The following KLHL22 variants were observed in gnomAD, a reference collection of about 807,000 sequenced individuals.
The protein encoded by KLHL22 is kelch like family member 22.
In KLHL22, 18 loss-of-function variants were observed where a neutral mutation model predicts 60.7. The ratio of observed to expected loss-of-function variants is 0.30; its 90% CI spans 0.20 to 0.44. The LOEUF is 0.44. Ranked by LOEUF, KLHL22 falls within the 20% of genes least tolerant of loss-of-function variation. The pLI, the probability that KLHL22 is intolerant of heterozygous loss-of-function variation, is 1.00. For missense variants in KLHL22, 596 were observed against 852.3 expected (o/e 0.70, Z 3.74); for synonymous variants, 355 against 354.5 (o/e 1.00, Z -0.01).
intron 2 of KLHL22, among the ~76,000 whole-genome samples, chr22:20,475,017 T>C (rs1055498318): frequency 6.6e-6 from 1 of 152,180 alleles, no homozygotes; most frequent in Non-Finnish European, 1.5e-5. Flanking sequence ...AAAATCTCCT[T>C]ATATGTTAAA....
intron 5 of KLHL22, among the ~76,000 whole-genome samples, chr22:20,449,656 T>A (rs1325176159): frequency 6.6e-6 from 1 of 152,210 alleles, no homozygotes; most frequent in Non-Finnish European, 1.5e-5. Flanking sequence ...TCCGCTCACT[T>A]CAGCCTTTCA....
chr22:20,458,063 C>CACCT, intron 4 of KLHL22, 63 bp from the exon 5 acceptor site: 1 of 1,564,710 alleles, frequency 6.4e-7, no homozygotes, highest in African/African-American at 1.3e-5. Flanking sequence ...CGCAGGCTTG[C>CACCT]ACCTCTTGTT....
At chr22:20,449,311 T>G (rs2052935657) in intron 5 of KLHL22, among the ~76,000 whole-genome samples, 1 of 151,658 alleles carries the variant, frequency 6.6e-6, no homozygotes, top group Non-Finnish European at 1.5e-5. Context: ...CCACCCACCT[T>G]GGCCTCCCAA....
intron 2 of KLHL22, chr22:20,483,471 G>A: frequency 2.7e-6 from 2 of 749,688 alleles, no homozygotes; most frequent in Non-Finnish European, 4.9e-6. Flanking sequence ...TCTTCTTCAT[G>A]AAGAGCAGCT....
In KLHL22 at chr22:20,465,941, G is replaced by A. The variant is rs912618195; in HGVS notation, c.394-365C>T. On this transcript the variant is annotated intron_variant, in intron 3 of 6. Coordinates refer to ENST00000328879, the MANE Select transcript of KLHL22 (RefSeq NM_032775.4). The surrounding 1 kb of genome is among the most constrained non-coding windows in gnomAD (Gnocchi z 4.9). ...AATGATTCTCCTGCCTCAGCCTCCC[G>A]TACAGAATGTTTTTAACCTCTCTAA... Among the ~76,000 whole-genome samples, 4 of 151,798 alleles carry A rather than the reference G, an allele frequency of 2.6e-5. No individual in the cohort carries two copies. The highest frequency in any genetic ancestry group is 3.9e-4 in the East Asian group (2 of 5,156).
intron 2 of KLHL22, among the ~76,000 whole-genome samples, chr22:20,487,420 C>T (rs568623831): frequency 6.6e-6 from 1 of 151,646 alleles, no homozygotes; most frequent in South Asian, 2.1e-4. Context: ...CAGGGTTTCA[C>T]CATGTTGGCC....
intron 2 of KLHL22, among the ~76,000 whole-genome samples, chr22:20,476,061 A>G (rs1470673809): frequency 2.0e-5 from 3 of 152,246 alleles, no homozygotes; most frequent in Non-Finnish European, 4.4e-5. Context: ...TGTAGAGATA[A>G]ATAGCATTTT....
intron 1 of KLHL22, chr22:20,489,663 G>A (rs2053650311): frequency 2.1e-6 from 1 of 469,650 alleles, no homozygotes; most frequent in Non-Finnish European, 4.4e-6. Flanking sequence ...CAATGAACAT[G>A]AAGCATAAGC....
chr22:20,449,959 G>A (rs12168610), intron 5 of KLHL22, among the ~76,000 whole-genome samples: 2,109 of 152,286 alleles, frequency 0.014, 55 homozygotes, highest in African/African-American at 0.047. Context: ...CCTCCGGGCC[G>A]GGGCGGCGGC....
At chr22:20,494,169 A>AGGAATGCG (rs1344766367) in intron 1 of KLHL22, among the ~76,000 whole-genome samples, 1 of 151,082 alleles carries the variant, frequency 6.6e-6, no homozygotes, top group Non-Finnish European at 1.5e-5. Context: ...GGTGGAGTTC[A>AGGAATGCG]AGACCACCTT....
At position 20,495,611 on chromosome 22, in the gene KLHL22, C is replaced by A. The variant is rs2053756673; in HGVS notation, c.-34+149G>T. 2.0e-5 allele frequency: 3 copies of A among 150,812 alleles called. No individual in the cohort carries two copies. The highest frequency in any genetic ancestry group is 3.6e-4 in the South Asian group (2 of 5,558). The allele number at this position is 150,812 out of a possible 1,614,324, so 9.3% of individuals were successfully genotyped here. A position where few individuals can be genotyped will look rare whatever the true frequency, so the allele number is the denominator to read the frequency against. The stretch of plus-strand genomic sequence containing the variant: ...GTCAGGCCGCGGGCTCTCCTCAGGT[C>A]GCCGCCCCCGAGCCTCCGGCCCGCG... On this transcript the variant is annotated intron_variant, in intron 1 of 6. Transcript: ENST00000328879. The surrounding 1 kb of genome is among the most constrained non-coding windows in gnomAD (Gnocchi z 4.6).
intron 2 of KLHL22, among the ~76,000 whole-genome samples, chr22:20,486,055 C>G (rs1222811576): frequency 6.7e-6 from 1 of 149,154 alleles, no homozygotes; most frequent in African/African-American, 2.5e-5. Flanking sequence ...GTAGTCCCAG[C>G]TACTCGAGAG....
chr22:20,465,036 T>C lies in KLHL22; in HGVS notation c.934A>G (p.Thr312Ala), dbSNP rs767668644. 1.2e-6 allele frequency: 2 copies of C among 1,611,350 alleles called. No homozygotes were observed. Among genetic ancestry groups the C allele is most frequent in the Non-Finnish European group, 1.7e-6 (2 of 1,178,452 alleles). ...TACTTGGCCTGGTCGCTGAGGACAG[T>C]GGACGGCGTGGAGTGAATGCCCCCG... The part of the protein sequence containing the change: ...GFGGIHSTPS[T>A]VLSDQAKYLN... The change falls in exon 4 of 7, where the codon ACT (threonine) becomes GCT (alanine). Residue 312 changes from threonine to alanine, a missense_variant. Physicochemically the swap from Thr to Ala is moderately conservative, Grantham distance 58. Coordinates refer to ENST00000328879, the MANE Select transcript of KLHL22 (RefSeq NM_032775.4). This position sits in a 1 kb window ranked among gnomAD's most constrained non-coding sequence, Gnocchi z 4.9.
At chr22:20,450,402 C>G (rs533533831) in intron 5 of KLHL22, 6 of 1,479,112 alleles carry the variant, frequency 4.1e-6, no homozygotes, top group East Asian at 4.5e-5. Context: ...TACACGGAAA[C>G]AGTACATGTG....
intron 1 of KLHL22, among the ~76,000 whole-genome samples, chr22:20,494,437 G>A (rs2053738672): frequency 6.6e-6 from 1 of 152,052 alleles, no homozygotes; most frequent in African/African-American, 2.4e-5. Context: ...CTAGAGTGCA[G>A]TGGTAGGGTC....
chr22:20,444,632 G>A (rs981084045), intron 6 of KLHL22, among the ~76,000 whole-genome samples: 28 of 152,122 alleles, frequency 1.8e-4, no homozygotes, highest in African/African-American at 6.5e-4. Context: ...TACCTGAAAA[G>A]CTCAACAAAG....
At chr22:20,484,992 G>A (rs2053563172) in intron 2 of KLHL22, among the ~76,000 whole-genome samples, 1 of 152,062 alleles carries the variant, frequency 6.6e-6, no homozygotes, top group Admixed American at 6.6e-5. Context: ...CACCTACCCT[G>A]GAAAACATCT....
In KLHL22 at chr22:20,495,676, T is replaced by C. The variant is rs2146302153; in HGVS notation, c.-34+84A>G. On this transcript the variant is annotated intron_variant, in intron 1 of 6. Transcript: ENST00000328879. The surrounding 1 kb of genome is among the most constrained non-coding windows in gnomAD (Gnocchi z 4.6). The stretch of plus-strand genomic sequence containing the variant: ...CCTCGGACTCCGCGCCGCTAGCTTG[T>C]CCCCGGCCCAGCGATGCCTGCTTGC... 6.6e-6 allele frequency: 1 copy of C among 151,530 alleles called. No individual in the cohort carries two copies. The highest frequency in any genetic ancestry group is 1.8e-4 in the South Asian group (1 of 5,638). The allele number at this position is 151,530 out of a possible 1,614,324, so 9.4% of individuals were successfully genotyped here.
At chr22:20,483,529 T>C (rs2053538672) in intron 2 of KLHL22, 6 of 724,410 alleles carry the variant, frequency 8.3e-6, no homozygotes, top group Admixed American at 3.5e-5. Flanking sequence ...CTGAGGGACA[T>C]TGGTGTCATC....
Sources: allele counts gnomAD v4.1 joint callset (sites outside exome capture counted in the v4.1 genomes callset), GRCh38; gene constraint gnomAD v4.1.1; non-coding constraint Gnocchi (gnomAD v3.1); transcripts MANE v1.5; gene names NCBI Gene and HGNC (gene_info 2026-07-23, HGNC 2026-07-21).